Variants in DOK5 observed in about 807,000 individuals in gnomAD.
DOK5 encodes downstream of tyrosine kinase 5.
A neutral mutation model predicts 43.3 loss-of-function variants in DOK5; 27 were observed. That is an observed-to-expected ratio of 0.62 (90% CI 0.46 to 0.86). DOK5 has a LOEUF of 0.86. Among genes scored for constraint, DOK5 ranks in the 40% least tolerant of loss-of-function variants. The pLI is 0.00. For synonymous variants in DOK5, 146 were observed against 140.1 expected (o/e 1.04, Z -0.30); for missense variants, 373 against 392.9 (o/e 0.95, Z 0.43).
chr20:54,636,054 G>A (rs886639055), intron 6 of DOK5, among the ~76,000 whole-genome samples: 4 of 148,728 alleles, frequency 2.7e-5, no homozygotes, highest in African/African-American at 1.0e-4. Context: ...GAGCAGAGAG[G>A]GCCGGAAGAG....
rs1600668148 is a variant in DOK5, at chr20:54,505,677, G to T, written c.66+29665G>T. Among the ~76,000 whole-genome samples the T allele has an allele frequency of 2.6e-5, 4 of 152,254 alleles. No individual in the cohort carries two copies. The South Asian group carries it at 8.3e-4, about 32-fold the overall frequency. Reference sequence around the variant, plus strand: ...GAGAGAGAAAGAGAGAGTATAGGGGGTGGGAGATGCAATTTTAATTAGGGT... The same window carrying T: ...GAGAGAGAAAGAGAGAGTATAGGGGTTGGGAGATGCAATTTTAATTAGGGT... On this transcript the variant is annotated intron_variant, in intron 1 of 7. Coordinates refer to ENST00000262593, the MANE Select transcript of DOK5 (RefSeq NM_018431.5).
At chr20:54,485,282 G>A (rs890257810) in intron 1 of DOK5, among the ~76,000 whole-genome samples, 2 of 151,490 alleles carry the variant, frequency 1.3e-5, no homozygotes, top group Admixed American at 6.6e-5. Flanking sequence ...TGCAGTGAGC[G>A]GCGGAGGTTG....
chr20:54,588,383 C>A, intron 2 of DOK5, 100 bp from the exon 3 acceptor site: 1 of 901,490 alleles, frequency 1.1e-6, no homozygotes, highest in East Asian at 2.5e-5. Flanking sequence ...TTGTGCTCAG[C>A]TGTGCTGTGC....
intron 1 of DOK5, among the ~76,000 whole-genome samples, chr20:54,497,641 A>T (rs1045153198): frequency 2.0e-5 from 3 of 152,216 alleles, no homozygotes; most frequent in African/African-American, 7.2e-5. Context: ...GAGTGTCAGA[A>T]AAAAAGGAAT....
chr20:54,485,602 T>A (rs79781929), intron 1 of DOK5, among the ~76,000 whole-genome samples: 3,050 of 152,328 alleles, frequency 0.02, 91 homozygotes, highest in African/African-American at 0.069. Flanking sequence ...TGAATGAAGC[T>A]GATATACTCA....
chr20:54,510,587 G>T (rs1270737802), intron 1 of DOK5, among the ~76,000 whole-genome samples: 1 of 152,146 alleles, frequency 6.6e-6, no homozygotes, highest in Non-Finnish European at 1.5e-5. Flanking sequence ...GTTGTGGGGG[G>T]TTTTAAAATA....
At chr20:54,541,668 C>T (rs765783226) in intron 1 of DOK5, among the ~76,000 whole-genome samples, 27 of 152,058 alleles carry the variant, frequency 1.8e-4, no homozygotes, top group Non-Finnish European at 3.2e-4. Flanking sequence ...AACTCCTGAC[C>T]TCAAGTGATC....
At chr20:54,547,193 G>A (rs902452531) in intron 1 of DOK5, among the ~76,000 whole-genome samples, 1 of 152,138 alleles carries the variant, frequency 6.6e-6, no homozygotes, top group African/African-American at 2.4e-5. Context: ...ATATTCTGTG[G>A]CTGCTTTCAT....
At chr20:54,526,803 T>G (rs1370524819) in intron 1 of DOK5, among the ~76,000 whole-genome samples, 1 of 152,170 alleles carries the variant, frequency 6.6e-6, no homozygotes, top group Non-Finnish European at 1.5e-5. Context: ...AGCAGTCTTT[T>G]TTTCCCTTTC....
At chr20:54,538,947 G>A (rs780544141) in intron 1 of DOK5, among the ~76,000 whole-genome samples, 14 of 152,126 alleles carry the variant, frequency 9.2e-5, no homozygotes, top group Non-Finnish European at 1.8e-4. Flanking sequence ...CATACTGTAT[G>A]ATTACACACA....
At chr20:54,515,322 T>G (rs992235469) in intron 1 of DOK5, among the ~76,000 whole-genome samples, 1 of 152,198 alleles carries the variant, frequency 6.6e-6, no homozygotes, top group Non-Finnish European at 1.5e-5. Flanking sequence ...CAGTTATGAC[T>G]GATTTTATAA....
chr20:54,568,672 T>G (rs1985173541), intron 2 of DOK5, among the ~76,000 whole-genome samples: 1 of 152,226 alleles, frequency 6.6e-6, no homozygotes, highest in African/African-American at 2.4e-5. Flanking sequence ...GGCTCACGCC[T>G]GTAATCCCAG....
intron 2 of DOK5, among the ~76,000 whole-genome samples, chr20:54,558,551 T>G (rs1468538068): frequency 6.6e-6 from 1 of 152,192 alleles, no homozygotes; most frequent in Non-Finnish European, 1.5e-5. Context: ...GAGATATGCA[T>G]TTTTCATCTA....
intron 1 of DOK5, among the ~76,000 whole-genome samples, chr20:54,483,856 GC>G (rs1981822134): frequency 6.6e-6 from 1 of 152,212 alleles, no homozygotes; most frequent in Non-Finnish European, 1.5e-5. Flanking sequence ...TGTGGGGGCT[GC>G]CTTTATTTCA....
intron 5 of DOK5, among the ~76,000 whole-genome samples, chr20:54,603,401 A>G (rs974916042): frequency 3.3e-5 from 5 of 152,254 alleles, no homozygotes; most frequent in South Asian, 4.1e-4. Flanking sequence ...GGAACAGGAA[A>G]GACAACAAAG....
At chr20:54,502,969 A>C (rs1237233216) in intron 1 of DOK5, among the ~76,000 whole-genome samples, 1 of 152,206 alleles carries the variant, frequency 6.6e-6, no homozygotes, top group African/African-American at 2.4e-5. Flanking sequence ...GCTATTGAAA[A>C]ATATTCTTCA....
intron 1 of DOK5, among the ~76,000 whole-genome samples, chr20:54,509,353 G>A (rs1982934210): frequency 6.6e-6 from 1 of 151,954 alleles, no homozygotes; most frequent in Non-Finnish European, 1.5e-5. Flanking sequence ...ACTGCACCTG[G>A]TTAATTTTAC....
At chr20:54,568,325 A>G (rs1386941879) in intron 2 of DOK5, among the ~76,000 whole-genome samples, 1 of 152,250 alleles carries the variant, frequency 6.6e-6, no homozygotes, top group Non-Finnish European at 1.5e-5. Flanking sequence ...GATACAATCT[A>G]TCCAGTTTCA....
chr20:54,490,598 A>G (rs6127206), intron 1 of DOK5, among the ~76,000 whole-genome samples: 1 of 151,504 alleles, frequency 6.6e-6, no homozygotes, highest in African/African-American at 2.4e-5. Flanking sequence ...TCTTATTTTT[A>G]TTTTTTGAGA....
Sources: allele counts gnomAD v4.1 joint callset (sites outside exome capture counted in the v4.1 genomes callset), GRCh38; gene constraint gnomAD v4.1.1; transcripts MANE v1.5; gene names NCBI Gene and HGNC (gene_info 2026-07-23, HGNC 2026-07-21).